The following ARFIP1 variants were observed in gnomAD, a reference collection of about 807,000 sequenced individuals.
ARFIP1 encodes ARF interacting protein 1.
In ARFIP1, 24 loss-of-function variants were observed where a neutral mutation model predicts 42.5. The observed-to-expected ratio is 0.57, with a 90% CI of 0.41 to 0.80. The LOEUF is 0.80. ARFIP1 is among the 30% of genes least tolerant of loss of function. The probability of loss-of-function intolerance (pLI) is 0.00; values close to 1 mark genes in which losing one functional copy is unlikely to be tolerated. For synonymous variants in ARFIP1, 141 were observed against 153.7 expected, an observed-to-expected ratio of 0.92 and a Z score of 0.61; for missense variants, 354 against 434.0, an observed-to-expected ratio of 0.82 and a Z score of 1.64.
At chr4:152,821,055 A>G (rs926318203) in intron 1 of ARFIP1, among the ~76,000 whole-genome samples, 2 of 152,238 alleles carry the variant, frequency 1.3e-5, no homozygotes, top group African/African-American at 4.8e-5. Flanking sequence ...AAGGAACCAG[A>G]AAACTAATTC....
At chr4:152,811,090 C>CTTTTTT (rs5863021) in intron 1 of ARFIP1, among the ~76,000 whole-genome samples, 2 of 74,428 alleles carry the variant, frequency 2.7e-5, no homozygotes, top group African/African-American at 5.0e-5. Context: ...AAGGTTAAGC[C>CTTTTTT]TTTTTTTTTT....
rs866290576 is a variant in ARFIP1, at chr4:152,804,255, C to G, written c.-10+24029C>G. 8.4e-3 allele frequency among the ~76,000 whole-genome samples: 486 copies of G among 57,556 alleles called. 151 individuals are homozygous for G. Among genetic ancestry groups the G allele is most frequent in the East Asian group, 0.022 (54 of 2,422 alleles). 37.8% of individuals were successfully genotyped at this position (57,556 alleles called of 152,430 possible). On this transcript the variant is annotated intron_variant, in intron 1 of 8. Transcript: ENST00000353617. ...GTATTATATATAATATATAATATAA[C>G]ATGTATTATATATTATATATATAAC... is the stretch of plus-strand genomic sequence containing the variant.
chr4:152,787,769 C>T (rs1160064623), intron 1 of ARFIP1, among the ~76,000 whole-genome samples: 2 of 152,188 alleles, frequency 1.3e-5, no homozygotes, highest in Non-Finnish European at 2.9e-5. Context: ...TTTGTGTTTA[C>T]ACTTGGGTCC....
At chr4:152,870,675 T>C in intron 3 of ARFIP1, 78 bp from the exon 4 acceptor site, 3 of 942,106 alleles carry the variant, frequency 3.2e-6, no homozygotes, top group Admixed American at 3.9e-5. Flanking sequence ...AAAGGAAATA[T>C]CAGTAACCCT....
intron 5 of ARFIP1, among the ~76,000 whole-genome samples, chr4:152,876,630 T>A (rs1162747067): frequency 2.0e-5 from 3 of 152,220 alleles, no homozygotes; most frequent in Non-Finnish European, 4.4e-5. Flanking sequence ...TTTGCATAAG[T>A]AGCAAGGATC....
At chr4:152,793,880 T>C (rs953123530) in intron 1 of ARFIP1, among the ~76,000 whole-genome samples, 7 of 152,170 alleles carry the variant, frequency 4.6e-5, no homozygotes, top group African/African-American at 1.7e-4. Context: ...TGCCTGAACC[T>C]TCCATTTTTC....
intron 8 of ARFIP1, among the ~76,000 whole-genome samples, chr4:152,894,694 A>G (rs1237302854): frequency 6.6e-6 from 1 of 152,252 alleles, no homozygotes. Context: ...GCTGGACACA[A>G]AAGAACCTGC....
At chr4:152,797,187 G>C (rs955484389) in intron 1 of ARFIP1, among the ~76,000 whole-genome samples, 1 of 152,142 alleles carries the variant, frequency 6.6e-6, no homozygotes, top group Non-Finnish European at 1.5e-5. Context: ...ATATTTTCCA[G>C]ATGGATACCT....
intron 8 of ARFIP1, among the ~76,000 whole-genome samples, chr4:152,899,421 T>C (rs541340465): frequency 1.3e-5 from 2 of 152,336 alleles, no homozygotes; most frequent in East Asian, 1.9e-4. Context: ...AGCCCATGAT[T>C]GTCAAACTTC....
At position 152,783,636 on chromosome 4, in the gene ARFIP1, C is replaced by T. The variant is rs1343621774; in HGVS notation, c.-10+3410C>T. Among the ~76,000 whole-genome samples, 7 of 152,316 alleles carry T rather than the reference C, an allele frequency of 4.6e-5. No homozygotes were observed. The East Asian group carries it at 1.2e-3, about 25-fold the overall frequency. ...ACTACTGTAGACAACTTCTACCATG[C>T]GTCCATTATGTCCTTTTTGAAATGA... On this transcript the variant is annotated intron_variant, in intron 1 of 8. Transcript: ENST00000353617.
intron 1 of ARFIP1, among the ~76,000 whole-genome samples, chr4:152,819,150 C>G (rs1730149509): frequency 6.6e-6 from 1 of 152,152 alleles, no homozygotes; most frequent in African/African-American, 2.4e-5. Flanking sequence ...CAAATTCCAC[C>G]ACTACCACTG....
intron 1 of ARFIP1, among the ~76,000 whole-genome samples, chr4:152,818,895 G>A (rs747455307): frequency 1.3e-5 from 2 of 152,152 alleles, no homozygotes; most frequent in African/African-American, 4.8e-5. Flanking sequence ...ACAAAAGCAT[G>A]TGCGCTTCTC....
At chr4:152,823,776 C>CAAAAA (rs66556811) in intron 1 of ARFIP1, among the ~76,000 whole-genome samples, 2 of 63,144 alleles carry the variant, frequency 3.2e-5, no homozygotes, top group African/African-American at 6.6e-5. Context: ...GTCTCCATCT[C>CAAAAA]AAAAAAAAAA....
chr4:152,801,502 T>C (rs1348493034), intron 1 of ARFIP1, among the ~76,000 whole-genome samples: 1 of 152,192 alleles, frequency 6.6e-6, no homozygotes, highest in African/African-American at 2.4e-5. Context: ...TTCTGTATCA[T>C]CTGTGTTCAG....
intron 8 of ARFIP1, among the ~76,000 whole-genome samples, chr4:152,902,915 G>T (rs1181005441): frequency 1.3e-5 from 2 of 152,132 alleles, no homozygotes; most frequent in East Asian, 1.9e-4. Context: ...AACCAAGTAA[G>T]CCAAATAAAC....
intron 8 of ARFIP1, among the ~76,000 whole-genome samples, chr4:152,909,560 G>T (rs147103583): frequency 1.1e-4 from 16 of 152,114 alleles, no homozygotes; most frequent in African/African-American, 3.9e-4. Context: ...TCATATGAGC[G>T]TTAAGTAAAT....
rs568249531 is a variant in ARFIP1 at position 152,823,491 on chromosome 4, C to A, written c.-9-6134C>A. 4.6e-5 allele frequency among the ~76,000 whole-genome samples: 7 copies of A among 152,188 alleles called. No homozygotes were observed. In the East Asian group the frequency reaches 1.4e-3, roughly 29 times the overall value. On this transcript the variant is annotated intron_variant, in intron 1 of 8. Coordinates refer to ENST00000353617, the MANE Select transcript of ARFIP1 (RefSeq NM_001025595.3). Reference sequence around the variant, plus strand: ...CTACCAGATATTCAAAGAAATGATACCAGTTCTGGCTGGGCACAGTGGTTT... The same window carrying A: ...CTACCAGATATTCAAAGAAATGATAACAGTTCTGGCTGGGCACAGTGGTTT...
At chr4:152,858,666 C>G (rs1238918814) in intron 2 of ARFIP1, among the ~76,000 whole-genome samples, 1 of 152,126 alleles carries the variant, frequency 6.6e-6, no homozygotes, top group East Asian at 1.9e-4. Context: ...ATTTGATCCC[C>G]CTATATCTCA....
intron 1 of ARFIP1, among the ~76,000 whole-genome samples, chr4:152,799,679 G>A (rs529685626): frequency 2.6e-5 from 4 of 152,224 alleles, no homozygotes; most frequent in East Asian, 1.9e-4. Context: ...TTATGTATAC[G>A]GTACGTATCT....
Sources: allele counts gnomAD v4.1 joint callset (sites outside exome capture counted in the v4.1 genomes callset), GRCh38; gene constraint gnomAD v4.1.1; transcripts MANE v1.5; gene names NCBI Gene and HGNC (gene_info 2026-07-23, HGNC 2026-07-21).